The following CDH12 variants were observed in gnomAD, a reference collection of about 807,000 sequenced individuals.
The protein encoded by CDH12 is cadherin-12.
A neutral mutation model predicts 74.1 loss-of-function variants in CDH12; 41 were observed. The ratio of observed to expected loss-of-function variants is 0.55; its 90% CI spans 0.43 to 0.72. The LOEUF is 0.72. Among genes scored for constraint, CDH12 ranks in the 30% least tolerant of loss-of-function variants. The probability of loss-of-function intolerance (pLI) is 0.00; values close to 1 mark genes in which losing one functional copy is unlikely to be tolerated. For synonymous variants in CDH12, 399 were observed against 355.0 expected (o/e 1.12, Z -1.39); for missense variants, 945 against 977.2 (o/e 0.97, Z 0.44).
chr5:22,519,030 A>G (rs1401981764), intron 1 of CDH12, among the ~76,000 whole-genome samples: 1 of 152,148 alleles, frequency 6.6e-6, no homozygotes, highest in Non-Finnish European at 1.5e-5. Context: ...TGGCATTGCC[A>G]ATGCCAACTC....
intron 1 of CDH12, among the ~76,000 whole-genome samples, chr5:22,703,426 T>G (rs934971650): frequency 2.0e-5 from 3 of 152,206 alleles, no homozygotes; most frequent in African/African-American, 7.2e-5. Flanking sequence ...GATAACTTTT[T>G]TAAGTGAATT....
chr5:21,797,065 A>T (rs1208594662), intron 10 of CDH12, among the ~76,000 whole-genome samples: 1 of 152,098 alleles, frequency 6.6e-6, no homozygotes, highest in Admixed American at 6.6e-5. Flanking sequence ...CTGGGGCCAA[A>T]GGGTGAGAGT....
chr5:22,093,468 C>T (rs910538833), intron 4 of CDH12, among the ~76,000 whole-genome samples: 2 of 151,968 alleles, frequency 1.3e-5, no homozygotes, highest in Admixed American at 6.6e-5. Context: ...ATGCCTGCTA[C>T]AATATAGATG....
intron 2 of CDH12, among the ~76,000 whole-genome samples, chr5:22,479,991 C>T (rs962163561): frequency 1.5e-4 from 23 of 152,060 alleles, no homozygotes; most frequent in African/African-American, 5.1e-4. Flanking sequence ...AATAAAGATC[C>T]TATCCTTCCT....
chr5:21,832,854 TGA>T (rs1749118540), intron 8 of CDH12, among the ~76,000 whole-genome samples: 2 of 73,656 alleles, frequency 2.7e-5, no homozygotes, highest in Admixed American at 4.6e-4. Flanking sequence ...ATATGATATA[TGA>T]TATATATCAT....
chr5:22,822,007 C>G (rs2126477587), intron 1 of CDH12, among the ~76,000 whole-genome samples: 1 of 152,310 alleles, frequency 6.6e-6, no homozygotes, highest in East Asian at 1.9e-4. Flanking sequence ...GTAACCAAAA[C>G]AGTGTGGTAC....
chr5:22,115,353 C>T (rs1207415533), intron 4 of CDH12, among the ~76,000 whole-genome samples: 3 of 152,120 alleles, frequency 2.0e-5, no homozygotes, highest in African/African-American at 7.2e-5. Flanking sequence ...TCAGAACATT[C>T]ACGTAGTTAC....
chr5:22,654,732 T>C (rs1739944179), intron 1 of CDH12, among the ~76,000 whole-genome samples: 1 of 151,982 alleles, frequency 6.6e-6, no homozygotes, highest in Non-Finnish European at 1.5e-5. Context: ...GCGTCCGGGT[T>C]CAAGCGGTTC....
At chr5:22,527,749 C>A (rs2126696744) in intron 1 of CDH12, among the ~76,000 whole-genome samples, 1 of 152,248 alleles carries the variant, frequency 6.6e-6, no homozygotes, top group South Asian at 2.1e-4. Flanking sequence ...TCTAGTGTCC[C>A]TGAACATTTG....
intron 5 of CDH12, among the ~76,000 whole-genome samples, chr5:22,048,769 TACAA>T (rs1013673837): frequency 6.6e-5 from 10 of 151,972 alleles, no homozygotes; most frequent in East Asian, 3.9e-4. Flanking sequence ...ACATGAGAAA[TACAA>T]ACAAACAAAA....
chr5:22,410,071 G>C (rs778234415), intron 2 of CDH12, among the ~76,000 whole-genome samples: 14 of 151,972 alleles, frequency 9.2e-5, no homozygotes, highest in African/African-American at 2.9e-4. Context: ...TAGTAAAAAT[G>C]ACAGGATAAA....
intron 6 of CDH12, among the ~76,000 whole-genome samples, chr5:21,928,534 T>A (rs1754694174): frequency 6.6e-6 from 1 of 152,064 alleles, no homozygotes; most frequent in Non-Finnish European, 1.5e-5. Context: ...ATGTCAGGAG[T>A]TGGAAAAGGA....
intron 1 of CDH12, among the ~76,000 whole-genome samples, chr5:22,528,316 A>G (rs1323749831): frequency 2.0e-5 from 3 of 152,208 alleles, no homozygotes; most frequent in Admixed American, 6.6e-5. Flanking sequence ...GGTCTCTTCC[A>G]TTGGCAAAGA....
chr5:22,345,978 C>T (rs1740092639), intron 3 of CDH12, among the ~76,000 whole-genome samples: 1 of 151,830 alleles, frequency 6.6e-6, no homozygotes, highest in Non-Finnish European at 1.5e-5. Flanking sequence ...TGGTGGCACA[C>T]ATCTGTAATT....
At chr5:22,311,533 C>A (rs2150428794) in intron 3 of CDH12, among the ~76,000 whole-genome samples, 1 of 151,966 alleles carries the variant, frequency 6.6e-6, no homozygotes, top group African/African-American at 2.4e-5. Context: ...GAAACCTCAT[C>A]TCTACTAAAA....
At chr5:22,061,907 T>C (rs1741214053) in intron 5 of CDH12, among the ~76,000 whole-genome samples, 1 of 152,140 alleles carries the variant, frequency 6.6e-6, no homozygotes, top group South Asian at 2.1e-4. Flanking sequence ...TTATGAGATC[T>C]AGAATTAGAA....
intron 2 of CDH12, among the ~76,000 whole-genome samples, chr5:22,498,614 T>C (rs571036992): frequency 6.6e-6 from 1 of 151,980 alleles, no homozygotes; most frequent in East Asian, 1.9e-4. Context: ...ATATTTGAAA[T>C]ACAAAAGCAT....
intron 1 of CDH12, among the ~76,000 whole-genome samples, chr5:22,583,680 A>C (rs558479368): frequency 6.6e-6 from 1 of 152,316 alleles, no homozygotes; most frequent in South Asian, 2.1e-4. Context: ...TGGGATTTTG[A>C]AAGGAGAATA....
At chr5:22,029,029 C>T (rs886663528) in intron 5 of CDH12, among the ~76,000 whole-genome samples, 8 of 152,176 alleles carry the variant, frequency 5.3e-5, no homozygotes, top group Admixed American at 2.6e-4. Flanking sequence ...CCCTATTTAA[C>T]AAATGGTGCT....
Sources: allele counts gnomAD v4.1 joint callset (sites outside exome capture counted in the v4.1 genomes callset), GRCh38; gene constraint gnomAD v4.1.1; transcripts MANE v1.5; gene names NCBI Gene and HGNC (gene_info 2026-07-23, HGNC 2026-07-21).